XRCC4: variants seen among roughly 807,000 people sequenced by gnomAD.
The protein encoded by XRCC4 is X-ray repair cross complementing 4.
XRCC4 carries 28 observed loss-of-function variants against 39.1 expected under a neutral mutation model. That is an observed-to-expected ratio of 0.72 (90% CI 0.53 to 0.98). XRCC4 has a LOEUF of 0.98. Ranked by LOEUF, XRCC4 falls within the 50% of genes least tolerant of loss-of-function variation. XRCC4 has a pLI of 0.00. For missense variants in XRCC4, 350 were observed against 376.4 expected (o/e 0.93, Z 0.58); for synonymous variants, 123 against 126.4 (o/e 0.97, Z 0.18).
chr5:83,132,336 G>T (rs1048394679), intron 3 of XRCC4, among the ~76,000 whole-genome samples: 1 of 151,864 alleles, frequency 6.6e-6, no homozygotes, highest in African/African-American at 2.4e-5. Context: ...TTTCAACTTC[G>T]GTGAATCTGA....
chr5:83,158,642 TAATA>T (rs890846697), intron 3 of XRCC4, among the ~76,000 whole-genome samples: 3 of 152,098 alleles, frequency 2.0e-5, no homozygotes, highest in African/African-American at 7.2e-5. Context: ...TCAAGATTCA[TAATA>T]AATACTAAAT....
chr5:83,221,620 A>C (rs1421381789), intron 6 of XRCC4, among the ~76,000 whole-genome samples: 1 of 152,058 alleles, frequency 6.6e-6, no homozygotes, highest in Non-Finnish European at 1.5e-5. Context: ...TTCTCATCTT[A>C]ATGGAAGAAG....
At chr5:83,169,074 G>A (rs1749613528) in intron 3 of XRCC4, among the ~76,000 whole-genome samples, 1 of 152,110 alleles carries the variant, frequency 6.6e-6, no homozygotes, top group Admixed American at 6.5e-5. Context: ...GTGATTATCT[G>A]ATGTGCTCAA....
intron 3 of XRCC4, among the ~76,000 whole-genome samples, chr5:83,174,039 G>T (rs767931274): frequency 3.3e-5 from 5 of 152,032 alleles, no homozygotes; most frequent in Non-Finnish European, 7.4e-5. Flanking sequence ...ATGTTTACTC[G>T]GTTTAAAAAT....
chr5:83,244,540 G>T (rs568876635), intron 6 of XRCC4, among the ~76,000 whole-genome samples: 54 of 151,744 alleles, frequency 3.6e-4, no homozygotes, highest in Non-Finnish European at 6.6e-4. Flanking sequence ...CTTTGTGCAT[G>T]TGCAGCTTAA....
rs148326782 is a variant in XRCC4 at position 83,131,117 on chromosome 5, A to G, written c.315+19914A>G. On this transcript the variant is annotated intron_variant, in intron 3 of 7. Coordinates refer to ENST00000396027, the MANE Select transcript of XRCC4 (RefSeq NM_003401.5). ...CTCTTGTGGACATGTAGTGCTATAA[A>G]TTTCCCTCTACACATTACTTTAAAT... 6.6e-3 allele frequency among the ~76,000 whole-genome samples: 1,009 copies of G among 152,168 alleles called. 9 individuals carry two copies. The highest frequency in any genetic ancestry group is 0.022 in the African/African-American group (907 of 41,526).
chr5:83,283,371 A>G (rs80300839), intron 7 of XRCC4, among the ~76,000 whole-genome samples: 5,632 of 152,220 alleles, frequency 0.037, 345 homozygotes, highest in African/African-American at 0.13. Flanking sequence ...TATATTCATA[A>G]TTCTCATTTC....
At chr5:83,329,761 A>G (rs1283668438) in intron 7 of XRCC4, among the ~76,000 whole-genome samples, 1 of 152,142 alleles carries the variant, frequency 6.6e-6, no homozygotes, top group Non-Finnish European at 1.5e-5. Context: ...AATTAAGTAC[A>G]TTCCATTAAA....
At chr5:83,223,803 T>G (rs1031514834) in intron 6 of XRCC4, among the ~76,000 whole-genome samples, 5 of 151,064 alleles carry the variant, frequency 3.3e-5, no homozygotes, top group Admixed American at 2.6e-4. Context: ...TTTACATTAG[T>G]TGTATCTCCT....
Position 83,195,929 on chromosome 5 carries a change from C to T in XRCC4, c.475C>T (p.Gln159Ter). 1.2e-6 allele frequency: 2 copies of T among 1,607,562 alleles called. No individual in the cohort carries two copies. The highest frequency in any genetic ancestry group is 1.7e-6 in the Non-Finnish European group (2 of 1,176,724). Reference protein sequence around the residue: ...ERLLRDWNDVQGRFEKCVSAK... With the variant: ...ERLLRDWNDV ...GCTTCTGAGAGATTGGAATGATGTT[C>T]AAGGACGGTGTGTACACAGTTTGCT... Residue 159 changes from glutamine (Q) to a stop codon, truncating the protein, a stop_gained, in exon 4 of 8, where the codon CAA becomes TAA. Coordinates refer to ENST00000396027, the MANE Select transcript of XRCC4 (RefSeq NM_003401.5). LOFTEE classifies it high-confidence loss of function.
chr5:83,197,184 A>G (rs1750988308), intron 4 of XRCC4, among the ~76,000 whole-genome samples: 1 of 152,042 alleles, frequency 6.6e-6, no homozygotes, highest in African/African-American at 2.4e-5. Context: ...ATGCAGAAAA[A>G]GTTAATTTTT....
intron 2 of XRCC4, among the ~76,000 whole-genome samples, chr5:83,105,747 A>G (rs1254826148): frequency 2.0e-5 from 3 of 152,132 alleles, no homozygotes; most frequent in Admixed American, 2.0e-4. Flanking sequence ...TTAAAGAACT[A>G]TTTTTATAAT....
At chr5:83,293,337 C>T (rs1754987921) in intron 7 of XRCC4, among the ~76,000 whole-genome samples, 1 of 151,518 alleles carries the variant, frequency 6.6e-6, no homozygotes, top group Non-Finnish European at 1.5e-5. Context: ...CCTATCAGTG[C>T]TTTTCTCAAG....
intron 7 of XRCC4, among the ~76,000 whole-genome samples, chr5:83,301,429 T>G (rs1755281879): frequency 6.6e-6 from 1 of 152,048 alleles, no homozygotes; most frequent in South Asian, 2.1e-4. Flanking sequence ...GGGGTTGTTT[T>G]TTTCTTGTTA....
chr5:83,197,889 A>G (rs1751020067), intron 4 of XRCC4, among the ~76,000 whole-genome samples: 2 of 152,100 alleles, frequency 1.3e-5, no homozygotes, highest in South Asian at 4.1e-4. Flanking sequence ...CAGATCTTAG[A>G]TTAGTAGCTT....
intron 3 of XRCC4, among the ~76,000 whole-genome samples, chr5:83,128,826 A>AT (rs1216271339): frequency 2.6e-5 from 4 of 151,642 alleles, no homozygotes; most frequent in South Asian, 2.1e-4. Flanking sequence ...GGGTTGTTTG[A>AT]TTTTTTTCTT....
chr5:83,302,088 T>C (rs1198199942), intron 7 of XRCC4, among the ~76,000 whole-genome samples: 1 of 152,122 alleles, frequency 6.6e-6, no homozygotes, highest in Non-Finnish European at 1.5e-5. Context: ...CAGATGGACT[T>C]CAGATGACTA....
At chr5:83,136,925 T>C (rs1319151537) in intron 3 of XRCC4, among the ~76,000 whole-genome samples, 1 of 152,196 alleles carries the variant, frequency 6.6e-6, no homozygotes, top group African/African-American at 2.4e-5. Flanking sequence ...TGAAGGTTGC[T>C]AAGAGGATGG....
At chr5:83,340,781 T>C (rs368686036) in intron 7 of XRCC4, among the ~76,000 whole-genome samples, 1 of 152,288 alleles carries the variant, frequency 6.6e-6, no homozygotes, top group African/African-American at 2.4e-5. Flanking sequence ...CATTATGTTA[T>C]GGTAATTTGT....
Sources: allele counts gnomAD v4.1 joint callset (sites outside exome capture counted in the v4.1 genomes callset), GRCh38; gene constraint gnomAD v4.1.1; transcripts MANE v1.5; gene names NCBI Gene and HGNC (gene_info 2026-07-23, HGNC 2026-07-21).